The following ZNF714 variants were observed in gnomAD, a reference collection of about 807,000 sequenced individuals.
ZNF714 encodes zinc finger protein 714.
ZNF714 carries 32 observed loss-of-function variants against 46.2 expected under a neutral mutation model. The ratio of observed to expected loss-of-function variants is 0.69; its 90% CI spans 0.52 to 0.93. ZNF714 has a LOEUF of 0.93. ZNF714 is among the 40% of genes least tolerant of loss of function. ZNF714 has a pLI of 0.00. For synonymous variants in ZNF714, 199 were observed against 213.1 expected, an observed-to-expected ratio of 0.93 and a Z score of 0.58; for missense variants, 635 against 646.3, an observed-to-expected ratio of 0.98 and a Z score of 0.19.
chr19:21,098,318 A>G lies in ZNF714; in HGVS notation c.43+7A>G. 1 of 1,609,162 alleles carries G rather than the reference A, an allele frequency of 6.2e-7. No homozygotes were observed. Among genetic ancestry groups the G allele is most frequent in the Non-Finnish European group, 8.5e-7 (1 of 1,178,926 alleles). ...AAAAACCTGGTCTTCTTGGGTGAGA[A>G]TAACTTTAATACATAAGTCTTAATA... On this transcript the variant is annotated splice_region_variant and intron_variant, in intron 3 of 4. Coordinates refer to ENST00000456283, the MANE Select transcript of ZNF714 (RefSeq NM_182515.4).
In ZNF714 at chr19:21,117,083, C is replaced by T. The variant is rs533104763; in HGVS notation, c.419C>T (p.Thr140Ile). 3.7e-5 allele frequency: 60 copies of T among 1,613,330 alleles called. No individual in the cohort carries two copies. The highest frequency in any genetic ancestry group is 3.3e-4 in the Middle Eastern group (2 of 6,080). The change falls in exon 5 of 5, where the codon ACT (threonine) becomes ATT (isoleucine). Residue 140 changes from threonine to isoleucine, a missense_variant. By Grantham distance (89) the Thr-to-Ile change is moderately conservative. Transcript: ENST00000456283. ...FNSNRHKTRH[T>I]GEKPFKCKKC... ...TCAAATAGACACAAGACAAGACATA[C>T]TGGAGAGAAACCTTTCAAATGTAAA...
intron 4 of ZNF714, among the ~76,000 whole-genome samples, chr19:21,112,515 AAAC>A (rs200264150): frequency 0.013 from 1,893 of 150,968 alleles, 45 homozygotes; most frequent in African/African-American, 0.045. Flanking sequence ...TTTGTCAAAA[AAAC>A]AGCTCCTGGA....
At chr19:21,107,169 T>C (rs1027156806) in intron 4 of ZNF714, among the ~76,000 whole-genome samples, 3 of 152,170 alleles carry the variant, frequency 2.0e-5, no homozygotes, top group Non-Finnish European at 4.4e-5. Flanking sequence ...GTATAATACC[T>C]CTTTGTTCTT....
Position 21,117,788 on chromosome 19 carries a change from G to A in ZNF714, c.1124G>A (p.Gly375Asp), listed in dbSNP as rs754098056. 1 of 1,612,442 alleles carries A rather than the reference G, an allele frequency of 6.2e-7. No individual in the cohort carries two copies. The highest frequency in any genetic ancestry group is 1.7e-5 in the Admixed American group (1 of 59,944). The change falls in exon 5 of 5, where the codon GGC becomes GAC. Residue 375 changes from glycine (G) to aspartate (D), a missense_variant. By Grantham distance (94) the Gly-to-Asp change is moderately conservative (BLOSUM62 -1). Transcript: ENST00000456283. ...GEKPYKCEEC[G>D]KAFNHSSKLT... The stretch of plus-strand genomic sequence containing the variant: ...AAACCCTACAAATGTGAAGAATGTG[G>A]CAAAGCCTTTAACCACTCCTCAAAA...
In ZNF714 at chr19:21,119,209, C is replaced by T. The variant is rs752302211; in HGVS notation, c.*877C>T. ...CATGAGGTCAGGAGTTTGAGACCAG[C>T]CTATCCAAGATGGTGAAACCCCATC... On this transcript the variant is annotated 3_prime_UTR_variant, in exon 5 of 5. Coordinates refer to ENST00000456283, the MANE Select transcript of ZNF714 (RefSeq NM_182515.4). 6 of 387,176 alleles carry T rather than the reference C, an allele frequency of 1.5e-5. No homozygotes were observed. The highest frequency in any genetic ancestry group is 1.1e-4 in the South Asian group (6 of 55,638). The allele number at this position is 387,176 out of a possible 1,614,324, so 24.0% of individuals were successfully genotyped here.
rs1050800139 is a variant in ZNF714 at position 21,116,305 on chromosome 19, A to T, written c.143-502A>T. On this transcript the variant is annotated intron_variant, in intron 4 of 4. Transcript: ENST00000456283. ...CTGCAGTCTCTCTGCTGCTGTAACA[A>T]TTACCTTTGGTCTCAAGACCCAAAC... Among the ~76,000 whole-genome samples, 9 of 152,250 alleles carry T rather than the reference A, an allele frequency of 5.9e-5. No individual in the cohort carries two copies. The South Asian group carries it at 1.9e-3, about 32-fold the overall frequency.
At chr19:21,092,541 G>T (rs574890144) in intron 2 of ZNF714, among the ~76,000 whole-genome samples, 1 of 152,042 alleles carries the variant, frequency 6.6e-6, no homozygotes. Context: ...CAAAAACTCC[G>T]TCCACTTACA....
intron 1 of ZNF714, among the ~76,000 whole-genome samples, chr19:21,083,197 C>T (rs1258739150): frequency 6.6e-6 from 1 of 152,076 alleles, no homozygotes; most frequent in Admixed American, 6.6e-5. Flanking sequence ...CCACCACGCC[C>T]GTCTAATTTT....
At chr19:21,107,577 T>A (rs2144861042) in intron 4 of ZNF714, among the ~76,000 whole-genome samples, 1 of 149,524 alleles carries the variant, frequency 6.7e-6, no homozygotes, top group Non-Finnish European at 1.5e-5. Context: ...ACTTTTGGGA[T>A]TTTTAAAGAG....
chr19:21,089,885 G>C (rs71333806), intron 2 of ZNF714, among the ~76,000 whole-genome samples: 90,456 of 132,108 alleles, frequency 0.68, 36,375 homozygotes, highest in Middle Eastern at 0.89. Context: ...CTAGAATTCT[G>C]GTAAGAAATT....
At chr19:21,114,569 A>G (rs1000059832) in intron 4 of ZNF714, among the ~76,000 whole-genome samples, 1 of 152,172 alleles carries the variant, frequency 6.6e-6, no homozygotes, top group Non-Finnish European at 1.5e-5. Context: ...TCTTGAATAC[A>G]GCACACAAAT....
chr19:21,108,823 T>C (rs1424828929), intron 4 of ZNF714, among the ~76,000 whole-genome samples: 5 of 152,364 alleles, frequency 3.3e-5, no homozygotes, highest in African/African-American at 1.2e-4. Context: ...TTCTATTTAT[T>C]ATTGCAAATG....
At chr19:21,098,120 A>G in intron 2 of ZNF714, 65 bp from the exon 3 acceptor site, 3 of 1,535,396 alleles carry the variant, frequency 2.0e-6, no homozygotes, top group Non-Finnish European at 1.7e-6. Context: ...CCTTAATTCA[A>G]ATAATAAATT....
intron 4 of ZNF714, among the ~76,000 whole-genome samples, chr19:21,101,373 A>G (rs539986053): frequency 1.2e-4 from 19 of 152,318 alleles, no homozygotes; most frequent in Non-Finnish European, 2.4e-4. Flanking sequence ...CTGCACTAGC[A>G]TCCACCTTTA....
At chr19:21,105,954 CA>C (rs1473818090) in intron 4 of ZNF714, among the ~76,000 whole-genome samples, 1 of 150,550 alleles carries the variant, frequency 6.6e-6, no homozygotes, top group East Asian at 2.0e-4. Flanking sequence ...GACTCCATCT[CA>C]AAAAAAATAA....
At chr19:21,097,222 C>T (rs1474493969) in intron 2 of ZNF714, among the ~76,000 whole-genome samples, 1 of 152,126 alleles carries the variant, frequency 6.6e-6, no homozygotes, top group African/African-American at 2.4e-5. Flanking sequence ...TCAGAGATAC[C>T]TGCTTTCTAG....
intron 4 of ZNF714, among the ~76,000 whole-genome samples, chr19:21,104,748 G>A (rs1172764989): frequency 6.6e-6 from 1 of 151,528 alleles, no homozygotes; most frequent in Non-Finnish European, 1.5e-5. Context: ...GAGTAGCTGA[G>A]ATTACAGGTA....
Position 21,119,532 on chromosome 19 carries a change from A to T in ZNF714, c.*1200A>T. ...ATTGTAGACATTTTTTGTAGAGGAAAAACTCTGAAGCACTTTCACACTTTG... is the reference window on the plus strand; with the variant it reads ...ATTGTAGACATTTTTTGTAGAGGAATAACTCTGAAGCACTTTCACACTTTG... On this transcript the variant is annotated 3_prime_UTR_variant, in exon 5 of 5. Transcript: ENST00000456283. 6.5e-6 allele frequency: 1 copy of T among 152,734 alleles called. No individual in the cohort carries two copies. Among genetic ancestry groups the T allele is most frequent in the East Asian group, 1.9e-4 (1 of 5,204 alleles). The allele number at this position is 152,734 out of a possible 1,614,324, so 9.5% of individuals were successfully genotyped here. A position where few individuals can be genotyped will look rare whatever the true frequency, so the allele number is the denominator to read the frequency against.
rs769564152 is a variant in ZNF714, at chr19:21,098,905, C to A, written c.137C>A (p.Ser46Tyr). Residue 46 changes from serine to tyrosine, a missense_variant, in exon 4 of 5, where the codon TCC becomes TAC. Physicochemically the swap from Ser to Tyr is moderately radical, Grantham distance 144 (BLOSUM62 -2). Coordinates refer to ENST00000456283, the MANE Select transcript of ZNF714 (RefSeq NM_182515.4). ...AAGATATGTGAGATGGTGGATGAAT[C>A]CCCAGGTAGGTGAGAGTGAACACAA... ...NMKICEMVDE[S>Y]PAMCSSFTRD... 1 of 1,597,498 alleles carries A rather than the reference C, an allele frequency of 6.3e-7. No individual in the cohort carries two copies. The highest frequency in any genetic ancestry group is 8.6e-7 in the Non-Finnish European group (1 of 1,168,934).
Sources: gnomAD v4.1 joint callset for allele counts (sites outside exome capture counted in the v4.1 genomes callset) on GRCh38, gnomAD v4.1.1 for gene constraint, MANE v1.5 for transcripts, NCBI Gene and HGNC (gene_info 2026-07-23, HGNC 2026-07-21) for gene names.